Variants in NSF observed in about 807,000 individuals in gnomAD.
NSF encodes vesicle-fusing ATPase.
Under a neutral mutation model 50.3 loss-of-function variants are expected in NSF, and 14 were observed. That is an observed-to-expected ratio of 0.28 (90% CI 0.18 to 0.44). The LOEUF (loss-of-function observed/expected upper bound fraction) is 0.44. Ranked by LOEUF, NSF falls within the 20% of genes least tolerant of loss-of-function variation. The probability of loss-of-function intolerance (pLI) is 1.00; values close to 1 mark genes in which losing one functional copy is unlikely to be tolerated. For missense variants in NSF, 218 were observed against 504.3 expected, an observed-to-expected ratio of 0.43 and a Z score of 5.44; for synonymous variants, 109 against 175.7, an observed-to-expected ratio of 0.62 and a Z score of 3.00.
chr17:46,752,673 C>G (rs2059192846), intron 19 of NSF, among the ~76,000 whole-genome samples: 1 of 152,144 alleles, frequency 6.6e-6, no homozygotes, highest in Non-Finnish European at 1.5e-5. Flanking sequence ...CCAGGCTGGT[C>G]TTGAACTCCC....
chr17:46,667,738 CTTTG>C (rs1307133011), intron 8 of NSF, among the ~76,000 whole-genome samples: 1 of 123,418 alleles, frequency 8.1e-6, no homozygotes, highest in African/African-American at 2.9e-5. Flanking sequence ...ATACACAAGA[CTTTG>C]TTTGCCATTA....
At chr17:46,605,649 A>G (rs1409763329) in intron 1 of NSF, among the ~76,000 whole-genome samples, 3 of 72,016 alleles carry the variant, frequency 4.2e-5, no homozygotes, top group Non-Finnish European at 8.2e-5. Context: ...AAAACAGACA[A>G]ACACTCAATG....
At chr17:46,712,001 A>T (rs2058724327) in intron 14 of NSF, among the ~76,000 whole-genome samples, 1 of 152,216 alleles carries the variant, frequency 6.6e-6, no homozygotes, top group Non-Finnish European at 1.5e-5. Flanking sequence ...AAACTATCTT[A>T]GGGGCAATGG....
chr17:46,712,410 T>C (rs919168829), intron 14 of NSF, among the ~76,000 whole-genome samples: 5 of 152,120 alleles, frequency 3.3e-5, no homozygotes, highest in African/African-American at 1.2e-4. Context: ...AAATATTTGT[T>C]AGATTGGATG....
chr17:46,731,541 A>C (rs541421973), intron 17 of NSF, among the ~76,000 whole-genome samples: 50 of 152,334 alleles, frequency 3.3e-4, no homozygotes, highest in African/African-American at 1.2e-3. Flanking sequence ...TTTAGGAGCT[A>C]CTTAAATGAT....
At chr17:46,704,632 A>G in intron 12 of NSF, 127 bp from the exon 13 acceptor site, 1 of 1,109,080 alleles carries the variant, frequency 9.0e-7, no homozygotes, top group Non-Finnish European at 1.2e-6. Context: ...GTTTGCAAAT[A>G]TTTCAGATTT....
At chr17:46,720,900 C>T (rs1289295332) in intron 15 of NSF, among the ~76,000 whole-genome samples, 1 of 152,150 alleles carries the variant, frequency 6.6e-6, no homozygotes, top group African/African-American at 2.4e-5. Context: ...CTTGTGATCC[C>T]GAAAGGCTGG....
rs571411276 is a variant in NSF at position 46,707,140 on chromosome 17, T to C, written c.1470+2286T>C. On this transcript the variant is annotated intron_variant, in intron 13 of 20. Coordinates refer to ENST00000398238, the MANE Select transcript of NSF (RefSeq NM_006178.4). ...TACTGGGATTACAGGCGTGAGCCAC[T>C]GCACCCAGCCTCAGATTTAATTTTT... Among the ~76,000 whole-genome samples the C allele has an allele frequency of 7.2e-5, 11 of 152,192 alleles. No individual in the cohort carries two copies. In the South Asian group the frequency reaches 2.3e-3, roughly 32 times the overall value.
At chr17:46,714,505 C>T (rs889474834) in intron 15 of NSF, among the ~76,000 whole-genome samples, 12 of 152,278 alleles carry the variant, frequency 7.9e-5, no homozygotes, top group East Asian at 3.9e-4. Context: ...AAGTGCCACT[C>T]GTCACCTTCT....
intron 13 of NSF, among the ~76,000 whole-genome samples, chr17:46,709,871 G>T (rs1326276356): frequency 6.6e-6 from 1 of 152,084 alleles, no homozygotes; most frequent in African/African-American, 2.4e-5. Flanking sequence ...TACTGAATTT[G>T]CCATATCTAG....
intron 16 of NSF, 67 bp downstream of exon 16, chr17:46,726,682 G>T: frequency 7.4e-7 from 1 of 1,357,022 alleles, no homozygotes. Context: ...AAAGTTACAA[G>T]AGAAAATTAA....
intron 19 of NSF, among the ~76,000 whole-genome samples, chr17:46,752,630 A>T (rs2059192334): frequency 6.6e-6 from 1 of 151,922 alleles, no homozygotes; most frequent in South Asian, 2.1e-4. Flanking sequence ...TAATTTTTGT[A>T]TTTTTTGTAG....
intron 1 of NSF, among the ~76,000 whole-genome samples, chr17:46,602,047 C>T (rs954343376): frequency 7.2e-6 from 1 of 139,726 alleles, no homozygotes; most frequent in Admixed American, 7.0e-5. Context: ...TGGTGGCACA[C>T]GCCTGTAATT....
intron 15 of NSF, among the ~76,000 whole-genome samples, chr17:46,723,053 A>T (rs2058848925): frequency 6.6e-6 from 1 of 152,188 alleles, no homozygotes. Flanking sequence ...GTGATTTGGA[A>T]TGCTTTGTGA....
chr17:46,737,923 T>TTAC (rs2059026146), intron 17 of NSF, among the ~76,000 whole-genome samples: 1 of 12,294 alleles, frequency 8.1e-5, no homozygotes, highest in East Asian at 1.6e-3. Flanking sequence ...ATTATTATTA[T>TTAC]TATTATTATT....
At chr17:46,721,853 G>A in intron 15 of NSF, 7 of 1,580,124 alleles carry the variant, frequency 4.4e-6, no homozygotes, top group Admixed American at 1.7e-5. Context: ...GCTTTTTCGA[G>A]TTGGCTTAGG....
chr17:46,744,587 C>T (rs980347771), intron 17 of NSF, among the ~76,000 whole-genome samples: 2 of 151,954 alleles, frequency 1.3e-5, no homozygotes, highest in Non-Finnish European at 2.9e-5. Flanking sequence ...TTCCATTTCA[C>T]TGCAGTATTA....
chr17:46,711,438 C>T (rs1393076855), intron 14 of NSF, among the ~76,000 whole-genome samples: 2 of 152,182 alleles, frequency 1.3e-5, no homozygotes, highest in East Asian at 3.8e-4. Flanking sequence ...GTATTTTAGT[C>T]ATTGAACTAG....
chr17:46,755,949 G>A lies in NSF; in HGVS notation c.*126G>A, dbSNP rs908589330. ...CGTTCTCTACCTTCAACATGTGCTC[G>A]CTCTGCATGATTAGTGCAATAAAAC... is the stretch of plus-strand genomic sequence containing the variant. On this transcript the variant is annotated 3_prime_UTR_variant, in exon 21 of 21. Transcript: ENST00000398238. The A allele has an allele frequency of 8.1e-6, 7 of 862,724 alleles. No individual in the cohort carries two copies. The highest frequency in any genetic ancestry group is 1.7e-5 in the African/African-American group (1 of 59,028). The allele number at this position is 862,724 out of a possible 1,614,324, so 53.4% of individuals were successfully genotyped here.
Sources: allele counts gnomAD v4.1 joint callset (sites outside exome capture counted in the v4.1 genomes callset), GRCh38; gene constraint gnomAD v4.1.1; transcripts MANE v1.5; gene names NCBI Gene and HGNC (gene_info 2026-07-23, HGNC 2026-07-21).